MBOAT2: variants seen among roughly 807,000 people sequenced by gnomAD.
MBOAT2 encodes membrane-bound glycerophospholipid O-acyltransferase 2.
A neutral mutation model predicts 63.4 loss-of-function variants in MBOAT2; 28 were observed. That is an observed-to-expected ratio of 0.44 (90% confidence interval 0.33 to 0.61). The LOEUF is 0.61. Among genes scored for constraint, MBOAT2 ranks in the 20% least tolerant of loss-of-function variants. The pLI is 0.03. For missense variants in MBOAT2, 470 were observed against 605.8 expected (o/e 0.78, Z 2.35); for synonymous variants, 211 against 215.6 (o/e 0.98, Z 0.19).
intron 1 of MBOAT2, among the ~76,000 whole-genome samples, chr2:8,975,567 C>T (rs1040988619): frequency 2.0e-5 from 3 of 152,076 alleles, no homozygotes; most frequent in Non-Finnish European, 4.4e-5. Flanking sequence ...CAGACTAATA[C>T]AACAGCTCAT....
chr2:8,994,612 C>T (rs1409791062), intron 1 of MBOAT2, among the ~76,000 whole-genome samples: 5 of 152,174 alleles, frequency 3.3e-5, no homozygotes, highest in African/African-American at 4.8e-5. Context: ...GCATGGGATG[C>T]GAGACAGCTG....
Position 8,888,007 on chromosome 2 carries a change from A to G in MBOAT2, c.451+11T>C. 6.2e-7 allele frequency: 1 copy of G among 1,610,050 alleles called. No homozygotes were observed. Among genetic ancestry groups the G allele is most frequent in the South Asian group, 1.1e-5 (1 of 90,822 alleles). ...TTTTTCAGCAATAAAAATTAATTTC[A>G]GAATTCTTACCATCATGAATTTCGC... is the stretch of plus-strand genomic sequence containing the variant. On this transcript the variant is annotated intron_variant, in intron 5 of 12. Coordinates refer to ENST00000305997, the MANE Select transcript of MBOAT2 (RefSeq NM_138799.4).
chr2:8,960,450 T>C (rs540142332), intron 1 of MBOAT2, among the ~76,000 whole-genome samples: 16 of 152,270 alleles, frequency 1.1e-4, no homozygotes, highest in Non-Finnish European at 2.2e-4. Context: ...GTCTTTTTAA[T>C]GGTTATATAG....
intron 1 of MBOAT2, among the ~76,000 whole-genome samples, chr2:9,001,059 G>C (rs1346175853): frequency 6.6e-6 from 1 of 151,978 alleles, no homozygotes; most frequent in Non-Finnish European, 1.5e-5. Context: ...TAACATCACT[G>C]TCTTCCACCT....
chr2:8,877,843 T>C (rs1308428408), intron 6 of MBOAT2, among the ~76,000 whole-genome samples: 2 of 151,904 alleles, frequency 1.3e-5, no homozygotes, highest in Non-Finnish European at 2.9e-5. Flanking sequence ...ACCCCTGAGC[T>C]GGGCACGGCT....
chr2:8,938,549 C>T (rs1036650296), intron 3 of MBOAT2, among the ~76,000 whole-genome samples: 8 of 150,904 alleles, frequency 5.3e-5, no homozygotes, highest in Non-Finnish European at 1.2e-4. Context: ...TTTCATGCCG[C>T]CATCTCATGC....
At chr2:8,949,878 G>A (rs569011686) in intron 2 of MBOAT2, among the ~76,000 whole-genome samples, 2 of 152,256 alleles carry the variant, frequency 1.3e-5, no homozygotes, top group Non-Finnish European at 2.9e-5. Context: ...TGTAAAAAAT[G>A]ACATTGGCAG....
chr2:8,928,101 G>A (rs1000184618), intron 3 of MBOAT2, among the ~76,000 whole-genome samples: 6 of 152,118 alleles, frequency 3.9e-5, no homozygotes, highest in Non-Finnish European at 8.8e-5. Flanking sequence ...ACTCACGACT[G>A]TGAGAACAGT....
rs910838958 is a variant in MBOAT2, at chr2:8,991,749, A to C, written c.75+11791T>G. 2.0e-5 allele frequency among the ~76,000 whole-genome samples: 3 copies of C among 152,246 alleles called. No homozygotes were observed. The East Asian group carries it at 5.8e-4, about 29-fold the overall frequency. On this transcript the variant is annotated intron_variant, in intron 1 of 12. Transcript: ENST00000305997. ...GTGTTATCAGGGCTCAAAAAGAGAA[A>C]ACTTAAAATTTTACCCCAAATTTTA...
At chr2:8,979,501 G>T (rs1226830217) in intron 1 of MBOAT2, among the ~76,000 whole-genome samples, 1 of 152,002 alleles carries the variant, frequency 6.6e-6, no homozygotes, top group Non-Finnish European at 1.5e-5. Flanking sequence ...ATTCTTATCT[G>T]TTTTGTTCAT....
At chr2:8,996,199 C>T (rs1379431696) in intron 1 of MBOAT2, among the ~76,000 whole-genome samples, 1 of 152,194 alleles carries the variant, frequency 6.6e-6, no homozygotes, top group Non-Finnish European at 1.5e-5. Context: ...CATGTCTCAA[C>T]ATTTGCCACT....
At chr2:8,933,118 C>T (rs1426394453) in intron 3 of MBOAT2, among the ~76,000 whole-genome samples, 3 of 152,124 alleles carry the variant, frequency 2.0e-5, no homozygotes, top group Non-Finnish European at 4.4e-5. Context: ...TGGATGGTTG[C>T]ATGGGCTCTT....
At chr2:8,898,345 C>CAA (rs1174793558) in intron 4 of MBOAT2, among the ~76,000 whole-genome samples, 2 of 152,176 alleles carry the variant, frequency 1.3e-5, no homozygotes, top group East Asian at 3.9e-4. Context: ...CCATAGTTGG[C>CAA]AAAAGCCAGT....
At position 8,882,576 on chromosome 2, in the gene MBOAT2, A is replaced by C. The variant is rs201353216; in HGVS notation, c.452-11T>G. The C allele has an allele frequency of 6.2e-7, 1 of 1,613,930 alleles. No individual in the cohort carries two copies. The highest frequency in any genetic ancestry group is 2.2e-5 in the East Asian group (1 of 44,890). The stretch of plus-strand genomic sequence containing the variant: ...CCTTCCGAAACATCCCTGAGAAACA[A>C]AAATAGGTACTCATCAATTAAGATT... On this transcript the variant is annotated splice_polypyrimidine_tract_variant and intron_variant, in intron 5 of 12. Transcript: ENST00000305997.
intron 2 of MBOAT2, among the ~76,000 whole-genome samples, chr2:8,947,614 A>G (rs1254782540): frequency 6.6e-6 from 1 of 152,252 alleles, no homozygotes; most frequent in African/African-American, 2.4e-5. Flanking sequence ...GGAGTCCTTA[A>G]GAATTACGCT....
chr2:8,881,135 G>A (rs572317679), intron 6 of MBOAT2, among the ~76,000 whole-genome samples: 6 of 152,300 alleles, frequency 3.9e-5, no homozygotes, highest in Admixed American at 3.3e-4. Context: ...AGTGAACTCC[G>A]TGCAGCAGTG....
intron 7 of MBOAT2, among the ~76,000 whole-genome samples, chr2:8,875,895 C>T (rs963028546): frequency 2.4e-4 from 36 of 152,170 alleles, no homozygotes; most frequent in Admixed American, 1.5e-3. Flanking sequence ...ATACAATGAG[C>T]GACATGGTAG....
At chr2:8,878,282 T>C (rs1430844058) in intron 6 of MBOAT2, among the ~76,000 whole-genome samples, 1 of 152,168 alleles carries the variant, frequency 6.6e-6, no homozygotes, top group Non-Finnish European at 1.5e-5. Context: ...TTAGACTATT[T>C]ATGTTACCAT....
At chr2:8,902,900 A>G (rs1367836116) in intron 4 of MBOAT2, among the ~76,000 whole-genome samples, 2 of 152,156 alleles carry the variant, frequency 1.3e-5, no homozygotes, top group African/African-American at 4.8e-5. Flanking sequence ...GCCTGCTTTT[A>G]TTCCCTTATT....
Sources: gnomAD v4.1 joint callset for allele counts (sites outside exome capture counted in the v4.1 genomes callset) on GRCh38, gnomAD v4.1.1 for gene constraint, MANE v1.5 for transcripts, NCBI Gene and HGNC (gene_info 2026-07-23, HGNC 2026-07-21) for gene names.